BCL2L14: variants seen among roughly 807,000 people sequenced by gnomAD.
BCL2L14 encodes the protein apoptosis facilitator Bcl-2-like protein 14.
A neutral mutation model predicts 35.3 loss-of-function variants in BCL2L14; 27 were observed. That is an observed-to-expected ratio of 0.76 (90% CI 0.56 to 1.05). The LOEUF (loss-of-function observed/expected upper bound fraction) is 1.05. BCL2L14 is among the 50% of genes least tolerant of loss of function. The probability of loss-of-function intolerance (pLI) is 0.00; values close to 1 mark genes in which losing one functional copy is unlikely to be tolerated. For missense variants in BCL2L14, 377 were observed against 382.6 expected, an observed-to-expected ratio of 0.99 and a Z score of 0.12; for synonymous variants, 139 against 145.9, an observed-to-expected ratio of 0.95 and a Z score of 0.34.
intron 4 of BCL2L14, among the ~76,000 whole-genome samples, chr12:12,093,966 G>A (rs931966375): frequency 2.0e-5 from 3 of 151,682 alleles, no homozygotes; most frequent in African/African-American, 7.3e-5. Flanking sequence ...AATTAGCCAG[G>A]TGTGGTGGCA....
chr12:12,090,806 T>C lies in BCL2L14; in HGVS notation c.635T>C (p.Ile212Thr), dbSNP rs781031358. The change falls in exon 4 of 6, where the codon ATT (isoleucine) becomes ACT (threonine). Residue 212 changes from isoleucine (I) to threonine (T), a missense_variant. Transcript: ENST00000308721. ...KDEEEQILAK[I>T]VELLKYSGDQ... is the part of the protein sequence containing the mutation. ...GAAGAAGAACAAATACTAGCCAAAA[T>C]TGTTGAGCTGCTGAAATATTCAGGA... The C allele has an allele frequency of 3.7e-6, 6 of 1,613,518 alleles. No individual in the cohort carries two copies. The South Asian group carries it at 4.4e-5, about 12-fold the overall frequency.
intron 2 of BCL2L14, among the ~76,000 whole-genome samples, chr12:12,080,408 C>G (rs372113283): frequency 2.0e-5 from 3 of 151,826 alleles, no homozygotes; most frequent in South Asian, 2.1e-4. Context: ...ATCATAAGGT[C>G]AGGAGTTCAA....
At chr12:12,075,868 C>A (rs1948770012) in intron 1 of BCL2L14, among the ~76,000 whole-genome samples, 1 of 151,894 alleles carries the variant, frequency 6.6e-6, no homozygotes, top group African/African-American at 2.4e-5. Context: ...TTCTTGTGGT[C>A]ATTAGTTTAT....
intron 1 of BCL2L14, among the ~76,000 whole-genome samples, chr12:12,051,232 A>T (rs574624627): frequency 1.3e-5 from 2 of 152,204 alleles, no homozygotes; most frequent in Non-Finnish European, 2.9e-5. Context: ...TAGACTAGCA[A>T]GAGTCAAGAA....
chr12:12,060,015 C>T (rs1303568753), intron 2 of BCL2L14, among the ~76,000 whole-genome samples: 1 of 151,944 alleles, frequency 6.6e-6, no homozygotes, highest in Non-Finnish European at 1.5e-5. Context: ...CCCCTCAGTC[C>T]CAACCCCAAG....
chr12:12,056,036 C>T (rs1948427509), intron 2 of BCL2L14, among the ~76,000 whole-genome samples: 1 of 152,126 alleles, frequency 6.6e-6, no homozygotes, highest in African/African-American at 2.4e-5. Flanking sequence ...TGGTCTTCAG[C>T]AAAAATCACA....
At position 12,059,097 on chromosome 12, in the gene BCL2L14, G is replaced by A. The variant is rs145187101; in HGVS notation, c.-272+7250G>A. Among the ~76,000 whole-genome samples the A allele has an allele frequency of 1.4e-3, 213 of 152,286 alleles. 2 individuals carry two copies. Among genetic ancestry groups the A allele is most frequent in the African/African-American group, 4.7e-3 (194 of 41,550 alleles). ...TTTTATCCGTAGACCCAAAACTCCG[G>A]TGCCGGTCACGGACTGGGAATGCAG... On this transcript the variant is annotated intron_variant, in intron 2 of 3. Transcript: ENST00000461264.
chr12:12,051,568 C>A (rs1262388567), intron 1 of BCL2L14, among the ~76,000 whole-genome samples: 1 of 142,186 alleles, frequency 7.0e-6, no homozygotes, highest in Non-Finnish European at 1.6e-5. Context: ...TGGTAACTTT[C>A]AGCCCCTGGT....
chr12:12,093,623 T>C (rs1949244981), intron 4 of BCL2L14, among the ~76,000 whole-genome samples: 1 of 151,778 alleles, frequency 6.6e-6, no homozygotes, highest in South Asian at 2.1e-4. Flanking sequence ...TGAAACCCTG[T>C]CTCTACTAAA....
At chr12:12,077,294 C>T (rs1489180871) in intron 1 of BCL2L14, among the ~76,000 whole-genome samples, 1 of 152,120 alleles carries the variant, frequency 6.6e-6, no homozygotes, top group African/African-American at 2.4e-5. Flanking sequence ...GTAATCTCAG[C>T]ACTTTGGGAG....
chr12:12,069,543 C>CAAA (rs374176155), upstream of BCL2L14, among the ~76,000 whole-genome samples: 23 of 133,224 alleles, frequency 1.7e-4, no homozygotes, highest in South Asian at 1.7e-3. Context: ...ACTAAAAATA[C>CAAA]AAAAAAAAAA....
Position 12,079,436 on chromosome 12 carries a change from C to T in BCL2L14, c.131C>T (p.Ser44Leu), listed in dbSNP as rs1174739078. The T allele has an allele frequency of 1.1e-5, 17 of 1,614,106 alleles. No individual in the cohort carries two copies. The highest frequency in any genetic ancestry group is 1.4e-5 in the Non-Finnish European group (17 of 1,180,048). Residue 44 changes from serine to leucine, a missense_variant, in exon 2 of 6, where the codon TCA becomes TTA. Transcript: ENST00000308721. ...TTCAAGAGCACCCCTGCTCTCTTCTCACCAAAGCTGCTGAGAACAAGAAGT... is the reference window on the plus strand; with the variant it reads ...TTCAAGAGCACCCCTGCTCTCTTCTTACCAAAGCTGCTGAGAACAAGAAGT... Reference protein sequence around the residue: ...HVFKSTPALFSPKLLRTRSLS... With the variant: ...HVFKSTPALFLPKLLRTRSLS...
At chr12:12,075,116 T>C (rs1373891291) in intron 1 of BCL2L14, among the ~76,000 whole-genome samples, 4 of 152,114 alleles carry the variant, frequency 2.6e-5, no homozygotes, top group South Asian at 2.1e-4. Flanking sequence ...TTCTTTTTTT[T>C]CTTTTTATTT....
At chr12:12,094,107 T>TA (rs55947114) in intron 4 of BCL2L14, among the ~76,000 whole-genome samples, 131,698 of 142,952 alleles carry the variant, frequency 0.92, 60,632 homozygotes, top group South Asian at 0.98. Context: ...AACCCTGTCT[T>TA]AAAAAAAAAA....
chr12:12,079,327 G>C lies in BCL2L14; in HGVS notation c.22G>C (p.Asp8His). Residue 8 changes from aspartate to histidine, a missense_variant, in exon 2 of 6, where the codon GAC becomes CAC. By Grantham distance (81) the Asp-to-His change is moderately conservative. Transcript: ENST00000308721. ...CAACATGTGTAGCACCAGTGGGTGT[G>C]ACCTGGAAGAAATCCCCCTAGATGA... MCSTSGC[D>H]LEEIPLDDDD... is the part of the protein sequence containing the mutation. The C allele has an allele frequency of 2.5e-6, 4 of 1,613,960 alleles. No individual in the cohort carries two copies. Among genetic ancestry groups the C allele is most frequent in the Non-Finnish European group, 3.4e-6 (4 of 1,179,922 alleles).
chr12:12,053,234 G>A (rs1280433229), intron 2 of BCL2L14, among the ~76,000 whole-genome samples: 1 of 152,126 alleles, frequency 6.6e-6, no homozygotes, highest in Non-Finnish European at 1.5e-5. Context: ...GAAAGCTGAG[G>A]CACAGAAAGG....
At chr12:12,063,685 C>G (rs990845324) in intron 2 of BCL2L14, among the ~76,000 whole-genome samples, 5 of 152,176 alleles carry the variant, frequency 3.3e-5, no homozygotes, top group African/African-American at 9.7e-5. Flanking sequence ...ACAGGAATGT[C>G]AGGCCTCTGA....
chr12:12,069,707 CA>C (rs34941963), upstream of BCL2L14, among the ~76,000 whole-genome samples: 65,387 of 116,970 alleles, frequency 0.56, 16,663 homozygotes, highest in Admixed American at 0.64. Context: ...GACTCCGTCT[CA>C]AAAAAAAAAA....
At chr12:12,064,126 A>G (rs952513404) in intron 2 of BCL2L14, among the ~76,000 whole-genome samples, 13 of 152,072 alleles carry the variant, frequency 8.5e-5, no homozygotes, top group African/African-American at 3.1e-4. Context: ...CTGGGATTAC[A>G]GGCATGAGCC....
Sources: gnomAD v4.1 joint callset for allele counts (sites outside exome capture counted in the v4.1 genomes callset) on GRCh38, gnomAD v4.1.1 for gene constraint, MANE v1.5 for transcripts, NCBI Gene and HGNC (gene_info 2026-07-23, HGNC 2026-07-21) for gene names.